DNAH11: variants seen among roughly 807,000 people sequenced by gnomAD.
The protein encoded by DNAH11 is dynein axonemal heavy chain 11.
Under a neutral mutation model 526.0 loss-of-function variants are expected in DNAH11, and 442 were observed. That is an observed-to-expected ratio of 0.84 (90% CI 0.78 to 0.91). The LOEUF (loss-of-function observed/expected upper bound fraction) is 0.91, where lower values mean the gene tolerates loss of function less well. DNAH11 is among the 40% of genes least tolerant of loss of function. DNAH11 has a pLI of 0.00. For synonymous variants in DNAH11, 2,461 were observed against 1,935.9 expected (o/e 1.27, Z -7.12); for missense variants, 6,989 against 5,448.7 (o/e 1.28, Z -8.90).
At position 21,816,431 on chromosome 7, in the gene DNAH11, A is replaced by G. The variant is rs1055113128; in HGVS notation, c.10333-36A>G. On this transcript the variant is annotated intron_variant, in intron 63 of 81. Coordinates refer to ENST00000409508, the MANE Select transcript of DNAH11 (RefSeq NM_001277115.2). ...CTTGTCTGTCTTCTCTCTCTGCCAC[A>G]TGACCAATTTGTTGCATTCAACTCT... is the stretch of plus-strand genomic sequence containing the variant. The G allele has an allele frequency of 3.3e-6, 5 of 1,515,536 alleles. No homozygotes were observed. In the African/African-American group the frequency reaches 4.1e-5, roughly 13 times the overall value. 93.9% of individuals were successfully genotyped at this position (1,515,536 alleles called of 1,614,324 possible). A position where few individuals can be genotyped will look rare whatever the true frequency, so the allele number is the denominator to read the frequency against.
At chr7:21,894,080 A>T (rs1417997378) in intron 77 of DNAH11, among the ~76,000 whole-genome samples, 1 of 152,012 alleles carries the variant, frequency 6.6e-6, no homozygotes, top group African/African-American at 2.4e-5. Flanking sequence ...GTAGAGACAG[A>T]GTTTCACCAT....
chr7:21,659,777 C>T (rs559679895), intron 30 of DNAH11, among the ~76,000 whole-genome samples: 4 of 152,198 alleles, frequency 2.6e-5, no homozygotes, highest in African/African-American at 7.2e-5. Context: ...TGCTCCTCAT[C>T]GACCCCTTTT....
intron 63 of DNAH11, among the ~76,000 whole-genome samples, chr7:21,812,336 T>C (rs1465316685): frequency 6.6e-6 from 1 of 151,950 alleles, no homozygotes; most frequent in Non-Finnish European, 1.5e-5. Flanking sequence ...GAAAGAGGAA[T>C]AGCAACTCTT....
intron 66 of DNAH11, among the ~76,000 whole-genome samples, chr7:21,848,776 A>C (rs535905509): frequency 5.5e-4 from 83 of 152,292 alleles, no homozygotes; most frequent in Non-Finnish European, 1.0e-3. Flanking sequence ...CTCTTAGCAA[A>C]ATAGATTGCT....
chr7:21,620,138 G>T, intron 25 of DNAH11, 60 bp downstream of exon 25: 2 of 1,313,106 alleles, frequency 1.5e-6, no homozygotes, highest in Non-Finnish European at 2.1e-6. Flanking sequence ...ACAAATAATT[G>T]TATATATAGG....
chr7:21,678,038 AT>A (rs1268000144), intron 30 of DNAH11, among the ~76,000 whole-genome samples: 1 of 151,202 alleles, frequency 6.6e-6, no homozygotes, highest in Admixed American at 6.6e-5. Flanking sequence ...TATTTTGTTG[AT>A]TTTTTTCTGT....
chr7:21,545,631 AGT>A (rs1298277125), intron 2 of DNAH11, among the ~76,000 whole-genome samples: 2 of 152,246 alleles, frequency 1.3e-5, no homozygotes, highest in African/African-American at 4.8e-5. Context: ...AGGTGATGAA[AGT>A]GTTAGAAATG....
chr7:21,734,895 G>GACTT (rs1357060903), intron 45 of DNAH11, among the ~76,000 whole-genome samples: 44 of 151,586 alleles, frequency 2.9e-4, no homozygotes, highest in Non-Finnish European at 4.6e-4. Context: ...CAATCAACCG[G>GACTT]GTGCAGTGGC....
At chr7:21,620,205 C>T in intron 25 of DNAH11, 127 bp downstream of exon 25, 1 of 847,688 alleles carries the variant, frequency 1.2e-6, no homozygotes, top group Non-Finnish European at 1.7e-6. Flanking sequence ...ATCAGGCTAA[C>T]CGTCATCTCA....
At chr7:21,880,602 C>A in intron 74 of DNAH11, 100 bp from the exon 75 acceptor site, 2 of 1,257,060 alleles carry the variant, frequency 1.6e-6, no homozygotes, top group Non-Finnish European at 2.3e-6. Flanking sequence ...TCTGTAGTAT[C>A]TCACTCTCAA....
chr7:21,767,666 T>C (rs1180047410), intron 55 of DNAH11, among the ~76,000 whole-genome samples: 1 of 152,222 alleles, frequency 6.6e-6, no homozygotes, highest in Admixed American at 6.5e-5. Context: ...AAGCTGCTTA[T>C]TTAACTTTCC....
chr7:21,703,982 T>C (rs1784161392), intron 37 of DNAH11, among the ~76,000 whole-genome samples: 2 of 152,220 alleles, frequency 1.3e-5, no homozygotes, highest in South Asian at 4.1e-4. Context: ...GACGTTTGAG[T>C]TACTGCTTTT....
chr7:21,615,569 A>G (rs1409775690), intron 21 of DNAH11, among the ~76,000 whole-genome samples: 1 of 151,510 alleles, frequency 6.6e-6, no homozygotes, highest in Non-Finnish European at 1.5e-5. Flanking sequence ...ATATATAAAT[A>G]TATATTACAT....
At chr7:21,900,432 A>G (rs1156708525) in intron 81 of DNAH11, among the ~76,000 whole-genome samples, 4 of 151,546 alleles carry the variant, frequency 2.6e-5, no homozygotes, top group Non-Finnish European at 5.9e-5. Flanking sequence ...TCATTTCAAA[A>G]TCTTTCTTCT....
rs770483579 is a variant in DNAH11 at position 21,748,584 on chromosome 7, C to G, written c.8515C>G (p.Arg2839Gly). Residue 2839 changes from arginine (R) to glycine (G), a missense_variant, in exon 52 of 82, where the codon CGC (arginine) becomes GGC (glycine). Physicochemically the swap from Arg to Gly is moderately radical, Grantham distance 125. Coordinates refer to ENST00000409508, the MANE Select transcript of DNAH11 (RefSeq NM_001277115.2). ...ATGGGCGCTTCCTTTCCTCAGGTGT[C>G]GCATCAGCCGGATCTTACGAACCCC... ...LFEDAMQHVC[R>G]ISRILRTPQG... is the part of the protein sequence containing the mutation. The G allele has an allele frequency of 6.5e-7, 1 of 1,527,412 alleles. No individual in the cohort carries two copies. Among genetic ancestry groups the G allele is most frequent in the Non-Finnish European group, 8.8e-7 (1 of 1,133,300 alleles). 94.6% of individuals were successfully genotyped at this position (1,527,412 alleles called of 1,614,324 possible). A position where few individuals can be genotyped will look rare whatever the true frequency, so the allele number is the denominator to read the frequency against.
intron 74 of DNAH11, among the ~76,000 whole-genome samples, chr7:21,875,190 T>G (rs556791170): frequency 1.3e-5 from 2 of 152,222 alleles, no homozygotes; most frequent in Admixed American, 1.3e-4. Flanking sequence ...ATGCCTTATT[T>G]AATCCACTAT....
At chr7:21,842,047 T>G (rs1389439300) in intron 65 of DNAH11, among the ~76,000 whole-genome samples, 2 of 152,220 alleles carry the variant, frequency 1.3e-5, no homozygotes, top group African/African-American at 4.8e-5. Context: ...TTTATTTCAG[T>G]GTTTAATATT....
intron 9 of DNAH11, among the ~76,000 whole-genome samples, chr7:21,583,216 A>G (rs1784374423): frequency 6.6e-6 from 1 of 152,224 alleles, no homozygotes; most frequent in Admixed American, 6.5e-5. Flanking sequence ...CCAAAACAGT[A>G]TAGTACTGGT....
intron 55 of DNAH11, among the ~76,000 whole-genome samples, chr7:21,773,141 G>A (rs1398839485): frequency 6.6e-6 from 1 of 152,090 alleles, no homozygotes; most frequent in African/African-American, 2.4e-5. Flanking sequence ...AAGTCATAGA[G>A]GACAAAATGG....
Sources: gnomAD v4.1 joint callset for allele counts (sites outside exome capture counted in the v4.1 genomes callset) on GRCh38, gnomAD v4.1.1 for gene constraint, MANE v1.5 for transcripts, NCBI Gene and HGNC (gene_info 2026-07-23, HGNC 2026-07-21) for gene names.